The following PKHD1 variants were observed in gnomAD, a reference collection of about 807,000 sequenced individuals.
PKHD1 encodes PKHD1 ciliary IPT domain containing fibrocystin/polyductin, also known as fibrocystin.
PKHD1 carries 291 observed loss-of-function variants against 412.0 expected under a neutral mutation model. The ratio of observed to expected loss-of-function variants is 0.71; its 90% CI spans 0.64 to 0.78. The LOEUF (loss-of-function observed/expected upper bound fraction) is 0.78. Among genes scored for constraint, PKHD1 ranks in the 30% least tolerant of loss-of-function variants. The pLI is 0.00. For missense variants in PKHD1, 4,825 were observed against 4,950.7 expected (o/e 0.97, Z 0.76); for synonymous variants, 1,777 against 1,821.5 (o/e 0.98, Z 0.62).
intron 53 of PKHD1, among the ~76,000 whole-genome samples, chr6:51,781,028 G>A (rs139593881): frequency 1.3e-4 from 20 of 152,218 alleles, no homozygotes; most frequent in Non-Finnish European, 2.2e-4. Context: ...TCAGAAGTGG[G>A]TTAAATGGTG....
chr6:51,778,212 G>C (rs1194589323), intron 53 of PKHD1, among the ~76,000 whole-genome samples: 2 of 152,054 alleles, frequency 1.3e-5, no homozygotes, highest in African/African-American at 4.8e-5. Context: ...AGATGCTCAG[G>C]ATACGCAGCT....
rs137852949 is a variant in PKHD1 at position 52,058,349 on chromosome 6, G to C, written c.1486C>G (p.Arg496Gly). The part of the protein sequence containing the change: ...YLREKHQIRV[R>G]AQRLPEVQVL... ...TGTACTTCTGGAAGCCTCTGGGCTC[G>C]GACTCGGATCTGGTGCTTCTCCCGT... is the stretch of plus-strand genomic sequence containing the variant. The change falls in exon 16 of 67, where the codon CGA (arginine) becomes GGA (glycine). Residue 496 changes from arginine to glycine, a missense_variant. By Grantham distance (125) the Arg-to-Gly change is moderately radical. Transcript: ENST00000371117. 1 of 1,614,136 alleles carries C rather than the reference G, an allele frequency of 6.2e-7. No homozygotes were observed. The highest frequency in any genetic ancestry group is 2.2e-5 in the East Asian group (1 of 44,884).
chr6:51,734,711 G>T (rs1783628879), intron 60 of PKHD1, among the ~76,000 whole-genome samples: 1 of 145,218 alleles, frequency 6.9e-6, no homozygotes, highest in Non-Finnish European at 1.5e-5. Flanking sequence ...ATATGTGGAG[G>T]AAAAAAAAAA....
Position 52,050,137 on chromosome 6 carries a change from G to A in PKHD1, c.2279+20C>T. The A allele has an allele frequency of 2.5e-6, 4 of 1,613,164 alleles. No individual in the cohort carries two copies. The highest frequency in any genetic ancestry group is 1.8e-4 in the Middle Eastern group (1 of 5,652). ...AGCATTCTTAGGAGAAGGGACAGGT[G>A]TAAAAAAGCCACTCCTTACCGTGCA... is the stretch of plus-strand genomic sequence containing the variant. On this transcript the variant is annotated intron_variant, in intron 22 of 66. Coordinates refer to ENST00000371117, the MANE Select transcript of PKHD1 (RefSeq NM_138694.4).
At chr6:51,723,903 T>C (rs1298200018) in intron 60 of PKHD1, among the ~76,000 whole-genome samples, 1 of 152,196 alleles carries the variant, frequency 6.6e-6, no homozygotes, top group African/African-American at 2.4e-5. Flanking sequence ...CCTTAGAAAC[T>C]GCCTCAGAAC....
At chr6:51,917,247 A>G (rs1783968400) in intron 37 of PKHD1, among the ~76,000 whole-genome samples, 1 of 152,006 alleles carries the variant, frequency 6.6e-6, no homozygotes, top group Non-Finnish European at 1.5e-5. Flanking sequence ...ATTTATTAAA[A>G]TAATGTTTGC....
intron 60 of PKHD1, among the ~76,000 whole-genome samples, chr6:51,719,719 A>G (rs1169121235): frequency 3.3e-5 from 5 of 152,334 alleles, no homozygotes; most frequent in African/African-American, 1.2e-4. Context: ...GACAAATTAT[A>G]TTATATATTG....
At chr6:52,070,854 T>A (rs1810502929) in intron 9 of PKHD1, 152 bp downstream of exon 9, 1 of 676,630 alleles carries the variant, frequency 1.5e-6, no homozygotes, top group African/African-American at 1.8e-5. Flanking sequence ...ATGAGCTGTT[T>A]CATATAGTAG....
chr6:51,746,350 C>T (rs2150971751), intron 59 of PKHD1, among the ~76,000 whole-genome samples: 1 of 152,214 alleles, frequency 6.6e-6, no homozygotes, highest in African/African-American at 2.4e-5. Context: ...AATTTATTAC[C>T]AGCAAGTTTG....
intron 50 of PKHD1, among the ~76,000 whole-genome samples, chr6:51,846,265 C>T (rs1771134634): frequency 6.6e-6 from 1 of 152,172 alleles, no homozygotes; most frequent in African/African-American, 2.4e-5. Context: ...AGTTCTGGGG[C>T]TAGCCTGTAG....
rs534438886 is a variant in PKHD1 at position 51,677,626 on chromosome 6, A to C, written c.10157-17657T>G. On this transcript the variant is annotated intron_variant, in intron 60 of 66. Coordinates refer to ENST00000371117, the MANE Select transcript of PKHD1 (RefSeq NM_138694.4). ...AACGGAAAACTACATAAAACCAGCTATTGCATGAAGCAAAAAATGTCTGTA... is the reference window on the plus strand; with the variant it reads ...AACGGAAAACTACATAAAACCAGCTCTTGCATGAAGCAAAAAATGTCTGTA... Among the ~76,000 whole-genome samples the C allele has an allele frequency of 5.2e-4, 79 of 152,296 alleles. No individual in the cohort carries two copies. In the South Asian group the frequency reaches 0.016, roughly 32 times the overall value.
chr6:51,621,091 T>G (rs1197981240), intron 66 of PKHD1, among the ~76,000 whole-genome samples: 1 of 152,188 alleles, frequency 6.6e-6, no homozygotes, highest in Non-Finnish European at 1.5e-5. Flanking sequence ...CATTGATTTA[T>G]GCCTCAATAC....
At chr6:51,981,595 G>T (rs370599495) in intron 35 of PKHD1, among the ~76,000 whole-genome samples, 2 of 126,868 alleles carry the variant, frequency 1.6e-5, no homozygotes, top group South Asian at 2.5e-4. Context: ...CCGGGATTGC[G>T]GACGGAGTCT....
In PKHD1 at chr6:51,737,835, T is replaced by C. The variant is rs368310345; in HGVS notation, c.10156+6550A>G. The stretch of plus-strand genomic sequence containing the variant: ...AATGAATGTTTAATGTCCTAGATGA[T>C]CCTAATGATAAGTCAGTTTTAGTAG... On this transcript the variant is annotated intron_variant, in intron 60 of 66. Transcript: ENST00000371117. 7.0e-4 allele frequency among the ~76,000 whole-genome samples: 106 copies of C among 152,198 alleles called. 1 individual carries two copies. Among genetic ancestry groups the C allele is most frequent in the African/African-American group, 2.5e-3 (104 of 41,512 alleles).
At chr6:51,723,975 G>T (rs375908470) in intron 60 of PKHD1, among the ~76,000 whole-genome samples, 4 of 152,134 alleles carry the variant, frequency 2.6e-5, no homozygotes, top group African/African-American at 7.2e-5. Flanking sequence ...AAAGGTATTT[G>T]CTCTGGTATC....
intron 59 of PKHD1, among the ~76,000 whole-genome samples, chr6:51,746,145 G>C (rs1785168533): frequency 6.6e-6 from 1 of 152,080 alleles, no homozygotes; most frequent in South Asian, 2.1e-4. Context: ...GAAACTCTTA[G>C]ATCATATGTC....
chr6:52,022,534 G>A (rs1269054295), intron 33 of PKHD1, among the ~76,000 whole-genome samples: 2 of 152,080 alleles, frequency 1.3e-5, no homozygotes, highest in Admixed American at 1.3e-4. Context: ...GTCATCCTAA[G>A]ACTGCAGTTA....
chr6:51,932,646 T>C (rs1786822970), intron 37 of PKHD1, among the ~76,000 whole-genome samples: 1 of 152,236 alleles, frequency 6.6e-6, no homozygotes, highest in Non-Finnish European at 1.5e-5. Flanking sequence ...ATGTAGTTGC[T>C]TGCTGATGAA....
intron 36 of PKHD1, among the ~76,000 whole-genome samples, chr6:51,959,188 T>C (rs762330364): frequency 6.6e-6 from 1 of 152,146 alleles, no homozygotes; most frequent in Non-Finnish European, 1.5e-5. Context: ...ATATCTCCCA[T>C]GTAATTTTCA....
Sources: allele counts gnomAD v4.1 joint callset (sites outside exome capture counted in the v4.1 genomes callset), GRCh38; gene constraint gnomAD v4.1.1; transcripts MANE v1.5; gene names NCBI Gene and HGNC (gene_info 2026-07-23, HGNC 2026-07-21).